FOXN3: variants seen among roughly 807,000 people sequenced by gnomAD.
FOXN3 encodes forkhead box protein N3.
Under a neutral mutation model 38.4 loss-of-function variants are expected in FOXN3, and 7 were observed. The observed-to-expected ratio is 0.18, with a 90% CI of 0.10 to 0.34. The LOEUF (loss-of-function observed/expected upper bound fraction) is 0.34. Among genes scored for constraint, FOXN3 ranks in the 10% least tolerant of loss-of-function variants. The probability of loss-of-function intolerance (pLI) is 1.00; values close to 1 mark genes in which losing one functional copy is unlikely to be tolerated. For missense variants in FOXN3, 456 were observed against 613.4 expected (o/e 0.74, Z 2.71); for synonymous variants, 230 against 242.2 (o/e 0.95, Z 0.47).
At chr14:89,297,559 CAAAA>C (rs919496715) in intron 3 of FOXN3, among the ~76,000 whole-genome samples, 2 of 103,552 alleles carry the variant, frequency 1.9e-5, no homozygotes, top group African/African-American at 3.6e-5. Context: ...GACTCCCTTT[CAAAA>C]AAAAAAAAAA....
chr14:89,438,092 T>C (rs934878257), intron 1 of FOXN3, among the ~76,000 whole-genome samples: 2 of 152,268 alleles, frequency 1.3e-5, no homozygotes, highest in African/African-American at 4.8e-5. Context: ...ACACATTCTT[T>C]AGTAATTCCA....
chr14:89,241,585 C>G (rs1391619646), intron 4 of FOXN3, among the ~76,000 whole-genome samples: 2 of 152,200 alleles, frequency 1.3e-5, no homozygotes, highest in Admixed American at 6.5e-5. Flanking sequence ...CAGGAAAGAA[C>G]CAGAAAGCCT....
chr14:89,528,919 A>G (rs373655), intron 1 of FOXN3, among the ~76,000 whole-genome samples: 98,812 of 151,970 alleles, frequency 0.65, 32,930 homozygotes, highest in East Asian at 0.83. Context: ...TGCGGATGAT[A>G]AGTATCTTCA....
intron 4 of FOXN3, chr14:89,222,969 A>C (rs1290184456): frequency 6.6e-6 from 1 of 151,896 alleles, no homozygotes; most frequent in African/African-American, 2.4e-5. Context: ...GGGTCTCACT[A>C]TGTTGCCCAG....
intron 3 of FOXN3, among the ~76,000 whole-genome samples, chr14:89,283,210 A>C (rs1315448261): frequency 6.6e-6 from 1 of 152,190 alleles, no homozygotes; most frequent in Non-Finnish European, 1.5e-5. Context: ...AGATCCGAGG[A>C]TTTATTAAAC....
intron 4 of FOXN3, among the ~76,000 whole-genome samples, chr14:89,216,413 T>G (rs975072885): frequency 6.6e-6 from 1 of 152,174 alleles, no homozygotes; most frequent in Non-Finnish European, 1.5e-5. Context: ...ATAGAATAGA[T>G]GCATTCAGAA....
intron 1 of FOXN3, among the ~76,000 whole-genome samples, chr14:89,450,621 T>C (rs1465138699): frequency 6.6e-6 from 1 of 151,560 alleles, no homozygotes; most frequent in Non-Finnish European, 1.5e-5. Flanking sequence ...AGTCTCGCCC[T>C]GTCGCCCAGG....
chr14:89,492,266 C>T (rs1358074673), intron 1 of FOXN3, among the ~76,000 whole-genome samples: 2 of 152,198 alleles, frequency 1.3e-5, no homozygotes, highest in East Asian at 3.8e-4. Flanking sequence ...GATCATGCAG[C>T]TTTCACACAG....
chr14:89,227,731 G>T (rs947778814), intron 4 of FOXN3, among the ~76,000 whole-genome samples: 4 of 152,186 alleles, frequency 2.6e-5, no homozygotes, highest in Non-Finnish European at 5.9e-5. Flanking sequence ...ATCACAGAAG[G>T]CTCCGTCTTA....
At chr14:89,474,439 G>A (rs1893168351) in intron 1 of FOXN3, among the ~76,000 whole-genome samples, 1 of 152,218 alleles carries the variant, frequency 6.6e-6, no homozygotes, top group Non-Finnish European at 1.5e-5. Context: ...CTTGATGTAT[G>A]TGTGGCAGAA....
chr14:89,202,266 C>G (rs1000067419), intron 4 of FOXN3, among the ~76,000 whole-genome samples: 4 of 152,178 alleles, frequency 2.6e-5, no homozygotes, highest in African/African-American at 9.7e-5. Flanking sequence ...CAGTGATGTT[C>G]CCACACCTGA....
intron 1 of FOXN3, among the ~76,000 whole-genome samples, chr14:89,533,997 G>A (rs1894630803): frequency 6.6e-6 from 1 of 151,348 alleles, no homozygotes; most frequent in Admixed American, 6.6e-5. Flanking sequence ...CTTGGTAAGT[G>A]TCACCTTGTT....
rs114688102 is a variant in FOXN3, at chr14:89,514,452, C to G, written c.-14-101962G>C. On this transcript the variant is annotated intron_variant, in intron 1 of 6. Coordinates refer to the FOXN3 transcript ENST00000345097. The stretch of plus-strand genomic sequence containing the variant: ...CATGCCAAGACAACAGCAACGTTAC[C>G]TCGATTAAGTGCAATGAAATTGCCC... Among the ~76,000 whole-genome samples, 220 of 152,274 alleles carry G rather than the reference C, an allele frequency of 1.4e-3. 1 individual carries two copies. Among genetic ancestry groups the G allele is most frequent in the African/African-American group, 5.0e-3 (209 of 41,548 alleles).
intron 1 of FOXN3, among the ~76,000 whole-genome samples, chr14:89,557,730 G>C (rs1471210634): frequency 6.6e-6 from 1 of 152,212 alleles, no homozygotes; most frequent in African/African-American, 2.4e-5. Flanking sequence ...CCAAAGGGGG[G>C]CACGGTGGCT....
intron 4 of FOXN3, among the ~76,000 whole-genome samples, chr14:89,268,632 A>ATTCCT (rs1566943101): frequency 6.6e-6 from 1 of 152,188 alleles, no homozygotes; most frequent in Non-Finnish European, 1.5e-5. Flanking sequence ...ACCCCAGCAG[A>ATTCCT]TTCCATGTGC....
intron 4 of FOXN3, among the ~76,000 whole-genome samples, chr14:89,191,185 AAT>A (rs1887931959): frequency 6.6e-6 from 1 of 152,180 alleles, no homozygotes; most frequent in Non-Finnish European, 1.5e-5. Flanking sequence ...GACAGAGAAA[AAT>A]ATTATCCTTT....
intron 1 of FOXN3, among the ~76,000 whole-genome samples, chr14:89,492,469 C>T (rs577496690): frequency 7.9e-5 from 12 of 152,268 alleles, no homozygotes; most frequent in South Asian, 6.2e-4. Context: ...TCCCAAGGTC[C>T]GCACCTATAA....
intron 1 of FOXN3, among the ~76,000 whole-genome samples, chr14:89,431,967 G>A (rs570382527): frequency 1.6e-4 from 24 of 152,222 alleles, no homozygotes; most frequent in East Asian, 9.6e-4. Context: ...CGCCTGCCTC[G>A]GCCTCCCAAA....
At position 89,485,008 on chromosome 14, in the gene FOXN3, C is replaced by T. The variant is rs147773547; in HGVS notation, c.-14-72518G>A. Among the ~76,000 whole-genome samples, 26 of 152,024 alleles carry T rather than the reference C, an allele frequency of 1.7e-4. 1 individual carries two copies. The highest frequency in any genetic ancestry group is 6.3e-4 in the African/African-American group (26 of 41,478). On this transcript the variant is annotated intron_variant, in intron 1 of 6. Transcript: ENST00000345097. ...CTCTACTAAAAATACAAAAATTAGC[C>T]GGGCGTGGTGGTGGACGTCTGTAGC...
Sources: gnomAD v4.1 joint callset for allele counts (sites outside exome capture counted in the v4.1 genomes callset) on GRCh38, gnomAD v4.1.1 for gene constraint, MANE v1.5 for transcripts, NCBI Gene and HGNC (gene_info 2026-07-23, HGNC 2026-07-21) for gene names.